Variants in DNAH6 observed in about 807,000 individuals in gnomAD.
The protein encoded by DNAH6 is axonemal beta dynein heavy chain 6.
A neutral mutation model predicts 491.4 loss-of-function variants in DNAH6; 340 were observed. The ratio of observed to expected loss-of-function variants is 0.69; its 90% CI spans 0.63 to 0.76. The LOEUF is 0.76. Ranked by LOEUF, DNAH6 falls within the 30% of genes least tolerant of loss-of-function variation. DNAH6 has a pLI of 0.00. For missense variants in DNAH6, 4,443 were observed against 4,972.2 expected, an observed-to-expected ratio of 0.89 and a Z score of 3.20; for synonymous variants, 1,603 against 1,686.1, an observed-to-expected ratio of 0.95 and a Z score of 1.21.
At chr2:84,701,473 A>G (rs986131094) in intron 49 of DNAH6, 134 bp downstream of exon 49, 2 of 914,858 alleles carry the variant, frequency 2.2e-6, no homozygotes, top group East Asian at 2.7e-5. Context: ...ATAAAGAAAT[A>G]CCTGAGACTG....
At chr2:84,494,319 G>T in the DNAH6 span, among the ~76,000 whole-genome samples, 1 of 152,112 alleles carries the variant, frequency 6.6e-6, no homozygotes, top group Non-Finnish European at 1.5e-5. Flanking sequence ...CTATAATGTA[G>T]CATTTGACGA....
chr2:84,685,526 G>A, intron 43 of DNAH6, 54 bp downstream of exon 43: 1 of 1,198,078 alleles, frequency 8.3e-7, no homozygotes, highest in Non-Finnish European at 1.1e-6. Flanking sequence ...AAAGCAATTT[G>A]GTTTCTACAA....
In DNAH6 at chr2:84,547,512, A is replaced by T; in HGVS notation, c.1086A>T (p.Glu362Asp). The T allele has an allele frequency of 6.4e-7, 1 of 1,551,642 alleles. No individual in the cohort carries two copies. The highest frequency in any genetic ancestry group is 1.2e-5 in the South Asian group (1 of 84,056). ...TCTAGGTGACAGAACGCCTAGGAGA[A>T]TTTCGAAATGAGGCAAAATATGTAG... is the stretch of plus-strand genomic sequence containing the variant. The part of the protein sequence containing the change: ...RLAEVTERLG[E>D]FRNEAKYVVR... The change falls in exon 7 of 77, where the codon GAA (glutamate) becomes GAT (aspartate). Residue 362 changes from glutamate (E) to aspartate (D), a missense_variant. Around this residue, in one of 3 missense-constraint regions of DNAH6, gnomAD observed 2,977 missense variants for 3,296.6 expected, o/e 0.90. Coordinates refer to ENST00000389394, the MANE Select transcript of DNAH6 (RefSeq NM_001370.2).
At chr2:84,643,950 A>G (rs1026961615) in intron 33 of DNAH6, among the ~76,000 whole-genome samples, 3 of 151,322 alleles carry the variant, frequency 2.0e-5, no homozygotes, top group African/African-American at 4.9e-5. Flanking sequence ...GCCTTTTAGT[A>G]TGCCTCATAA....
chr2:84,778,531 A>T (rs1241189139), intron 64 of DNAH6, among the ~76,000 whole-genome samples: 1 of 150,428 alleles, frequency 6.6e-6, no homozygotes, highest in Admixed American at 6.6e-5. Context: ...ACAGGGTCTC[A>T]CTCTGTTGCC....
intron 40 of DNAH6, among the ~76,000 whole-genome samples, chr2:84,675,954 A>G (rs754009631): frequency 6.6e-6 from 1 of 152,156 alleles, no homozygotes; most frequent in Non-Finnish European, 1.5e-5. Flanking sequence ...ACATTGATTT[A>G]TGGTATTAAC....
chr2:84,683,212 A>G (rs947533895), intron 42 of DNAH6, among the ~76,000 whole-genome samples: 1 of 152,148 alleles, frequency 6.6e-6, no homozygotes, highest in Non-Finnish European at 1.5e-5. Flanking sequence ...CCATTAGGAC[A>G]TCAGCTCCCC....
chr2:84,648,567 GAGGGGTTT>G (rs1690116007), intron 33 of DNAH6, among the ~76,000 whole-genome samples: 1 of 152,220 alleles, frequency 6.6e-6, no homozygotes, highest in Non-Finnish European at 1.5e-5. Flanking sequence ...GGATGATTTT[GAGGGGTTT>G]TAGACCTCAG....
At chr2:84,470,663 T>G in the DNAH6 span, among the ~76,000 whole-genome samples, 1 of 152,228 alleles carries the variant, frequency 6.6e-6, no homozygotes, top group Non-Finnish European at 1.5e-5. Flanking sequence ...ACCTGTATTT[T>G]GTGCTGACCT....
At chr2:84,528,306 C>T (rs1364959455) in intron 3 of DNAH6, among the ~76,000 whole-genome samples, 2 of 152,170 alleles carry the variant, frequency 1.3e-5, no homozygotes, top group Non-Finnish European at 2.9e-5. Context: ...ATAAGAAACT[C>T]TGGTAATTCA....
chr2:84,591,004 C>G (rs1684064176), intron 16 of DNAH6, among the ~76,000 whole-genome samples: 1 of 152,172 alleles, frequency 6.6e-6, no homozygotes, highest in South Asian at 2.1e-4. Flanking sequence ...AACACCCCTC[C>G]CCAAACCCCT....
rs199641329 is a variant in DNAH6, at chr2:84,753,400, A to AT, written c.10512+8160dup. 6.5e-3 allele frequency among the ~76,000 whole-genome samples: 984 copies of AT among 150,888 alleles called. 3 individuals are homozygous for AT. The highest frequency in any genetic ancestry group is 0.013 in the Admixed American group (195 of 15,128). On this transcript the variant is annotated intron_variant, in intron 63 of 76. Transcript: ENST00000389394. Reference sequence around the variant, plus strand: ...AATTTTGATGATGTCCAGTTTATCTATTTTTTTTTCTTCTGTTGCTTGTGC... The same window carrying AT: ...AATTTTGATGATGTCCAGTTTATCTATTTTTTTTTTCTTCTGTTGCTTGTGC...
In DNAH6 at chr2:84,777,932, C is replaced by T. The variant is rs368338232; in HGVS notation, c.10704-3561C>T. 40 of 1,055,080 alleles carry T rather than the reference C, an allele frequency of 3.8e-5. 1 individual carries two copies. The highest frequency in any genetic ancestry group is 2.0e-4 in the South Asian group (16 of 79,760). The allele number at this position is 1,055,080 out of a possible 1,614,324, so 65.4% of individuals were successfully genotyped here. A position where few individuals can be genotyped will look rare whatever the true frequency, so the allele number is the denominator to read the frequency against. The stretch of plus-strand genomic sequence containing the variant: ...CACGTTAGGCTGGACCAAATTAAGA[C>T]GGCTTTCTCCCTCTTGCTCACATGC... On this transcript the variant is annotated intron_variant, in intron 64 of 76. Coordinates refer to ENST00000389394, the MANE Select transcript of DNAH6 (RefSeq NM_001370.2).
intron 8 of DNAH6, among the ~76,000 whole-genome samples, chr2:84,549,668 G>T (rs1417623389): frequency 6.6e-6 from 1 of 152,098 alleles, no homozygotes; most frequent in East Asian, 1.9e-4. Flanking sequence ...ATATCTAACT[G>T]AATTAATGCT....
At chr2:84,470,960 G>A in the DNAH6 span, among the ~76,000 whole-genome samples, 2 of 152,130 alleles carry the variant, frequency 1.3e-5, no homozygotes, top group Non-Finnish European at 2.9e-5. Context: ...GAATGTGGGG[G>A]TCAAAAGGGC....
At chr2:84,784,905 G>A (rs1025689214) in intron 66 of DNAH6, 95 bp downstream of exon 66, 1 of 835,220 alleles carries the variant, frequency 1.2e-6, no homozygotes, top group Non-Finnish European at 1.9e-6. Context: ...ACAGAAGCAT[G>A]TGGAGGTCTG....
At chr2:84,492,066 G>A in the DNAH6 span, among the ~76,000 whole-genome samples, 1 of 152,160 alleles carries the variant, frequency 6.6e-6, no homozygotes. Flanking sequence ...ATCCTTGTTT[G>A]CTCAGGCCTA....
intron 29 of DNAH6, among the ~76,000 whole-genome samples, chr2:84,632,187 TG>T (rs1246207002): frequency 6.6e-6 from 1 of 152,244 alleles, no homozygotes; most frequent in Non-Finnish European, 1.5e-5. Context: ...TATTTGGAAC[TG>T]CTCCTTTGTT....
intron 49 of DNAH6, 70 bp from the exon 50 acceptor site, chr2:84,703,325 T>C: frequency 6.2e-6 from 7 of 1,121,970 alleles, no homozygotes. Flanking sequence ...ACATGAGTAA[T>C]ATGTGTTCGA....
Sources: gnomAD v4.1 joint callset for allele counts (sites outside exome capture counted in the v4.1 genomes callset) on GRCh38, gnomAD v4.1.1 for gene constraint, gnomAD v4.1.1 regional missense constraint, MANE v1.5 for transcripts, NCBI Gene and HGNC (gene_info 2026-07-23, HGNC 2026-07-21) for gene names.